The following MEF2C variants were observed in gnomAD, a reference collection of about 807,000 sequenced individuals.
MEF2C encodes the protein myocyte-specific enhancer factor 2C.
Under a neutral mutation model 50.5 loss-of-function variants are expected in MEF2C, and 6 were observed. That is an observed-to-expected ratio of 0.12 (90% CI 0.07 to 0.23). MEF2C has a LOEUF of 0.23. MEF2C is among the 10% of genes least tolerant of loss of function. The pLI, the probability that MEF2C is intolerant of heterozygous loss-of-function variation, is 1.00. For synonymous variants in MEF2C, 183 were observed against 228.0 expected (o/e 0.80, Z 1.78); for missense variants, 276 against 605.0 (o/e 0.46, Z 5.70).
intron 6 of MEF2C, chr5:88,736,967 TCAGCCCA>T: frequency 1.0e-6 from 1 of 984,946 alleles, no homozygotes; most frequent in Non-Finnish European, 1.2e-6. Flanking sequence ...TCAGACAACT[TCAGCCCA>T]CACTGAATTC....
At chr5:88,776,864 C>A (rs1785024089) in intron 3 of MEF2C, among the ~76,000 whole-genome samples, 1 of 152,296 alleles carries the variant, frequency 6.6e-6, no homozygotes, top group African/African-American at 2.4e-5. Context: ...CCACACCTGG[C>A]AGTGGCTCGG....
At position 88,778,204 on chromosome 5, in the gene MEF2C, G is replaced by A. The variant is rs759434620; in HGVS notation, c.259-16876C>T. Among the ~76,000 whole-genome samples the A allele has an allele frequency of 5.3e-5, 8 of 152,100 alleles. No homozygotes were observed. In the South Asian group the frequency reaches 6.2e-4, roughly 12 times the overall value. ...ATTACAAGCGTGAGCCACCACGCCC[G>A]GCTGCTAAATGTTTCAACTCCTAAC... On this transcript the variant is annotated intron_variant, in intron 3 of 10. Transcript: ENST00000504921.
rs1488564050 is a variant in MEF2C at position 88,813,129 on chromosome 5, C to A, written c.55-8328G>T. Among the ~76,000 whole-genome samples the A allele has an allele frequency of 2.0e-5, 3 of 152,206 alleles. No homozygotes were observed. The East Asian group carries it at 5.8e-4, about 29-fold the overall frequency. ...TGTATAGACTCTGCAGCCAACTCTG[C>A]CCTCAGACGCTCCGGCCATTCCCAC... On this transcript the variant is annotated intron_variant, in intron 2 of 10. Coordinates refer to ENST00000504921, the MANE Select transcript of MEF2C (RefSeq NM_002397.5).
intron 3 of MEF2C, among the ~76,000 whole-genome samples, chr5:88,776,625 T>C (rs537333647): frequency 1.3e-5 from 2 of 151,386 alleles, no homozygotes; most frequent in African/African-American, 4.9e-5. Context: ...AGAAAAATAC[T>C]GGAAGGGGGA....
chr5:88,751,368 A>G (rs757473215), intron 5 of MEF2C: 51 of 985,322 alleles, frequency 5.2e-5, no homozygotes, highest in Non-Finnish European at 5.8e-5. Context: ...CTATCTTATC[A>G]TATTTCCTTT....
At chr5:88,797,705 T>C (rs1272241238) in intron 3 of MEF2C, among the ~76,000 whole-genome samples, 1 of 152,130 alleles carries the variant, frequency 6.6e-6, no homozygotes, top group Admixed American at 6.5e-5. Flanking sequence ...AGCTGGTTAT[T>C]TTGCCCGTTA....
At chr5:88,784,502 GT>G (rs1450747175) in intron 3 of MEF2C, among the ~76,000 whole-genome samples, 1 of 152,118 alleles carries the variant, frequency 6.6e-6, no homozygotes, top group Non-Finnish European at 1.5e-5. Flanking sequence ...TCTATTATAT[GT>G]AGTAATTCAC....
intron 6 of MEF2C, chr5:88,743,628 G>A (rs1272124636): frequency 1.0e-6 from 1 of 984,190 alleles, no homozygotes; most frequent in African/African-American, 1.7e-5. Flanking sequence ...ATCTGAGTAA[G>A]TACTAAGTTC....
Position 88,717,795 on chromosome 5 carries a change from T to C in MEF2C, c.*4809A>G, listed in dbSNP as rs1034256213. The C allele has an allele frequency of 2.0e-5, 3 of 152,224 alleles. No individual in the cohort carries two copies. Among genetic ancestry groups the C allele is most frequent in the African/African-American group, 7.2e-5 (3 of 41,454 alleles). The allele number at this position is 152,224 out of a possible 1,614,324, so 9.4% of individuals were successfully genotyped here. ...TAAAATGTATGAATTCACTAATTTA[T>C]TCAGATTTATAAGCCTATGTTTTCA... On this transcript the variant is annotated 3_prime_UTR_variant, in exon 11 of 11. Coordinates refer to ENST00000504921, the MANE Select transcript of MEF2C (RefSeq NM_002397.5).
In MEF2C at chr5:88,720,144, G is replaced by A. The variant is rs1755802349; in HGVS notation, c.*2460C>T. 6.6e-6 allele frequency: 1 copy of A among 152,080 alleles called. No individual in the cohort carries two copies. Among genetic ancestry groups the A allele is most frequent in the Non-Finnish European group, 1.5e-5 (1 of 67,984 alleles). 9.4% of individuals were successfully genotyped at this position (152,080 alleles called of 1,614,324 possible). A position where few individuals can be genotyped will look rare whatever the true frequency, so the allele number is the denominator to read the frequency against. ...TGCATATTTTATACACATCAAGTTA[G>A]AAGGATGGGTTGTAAGGATGGGATC... On this transcript the variant is annotated 3_prime_UTR_variant, in exon 11 of 11. Coordinates refer to ENST00000504921, the MANE Select transcript of MEF2C (RefSeq NM_002397.5).
chr5:88,729,908 AT>A (rs1323923078), intron 8 of MEF2C, among the ~76,000 whole-genome samples: 1 of 152,148 alleles, frequency 6.6e-6, no homozygotes, highest in Non-Finnish European at 1.5e-5. Context: ...TAAACTTAAA[AT>A]CATGAGACTT....
At chr5:88,844,601 T>G in intron 1 of MEF2C, 1 of 802,434 alleles carries the variant, frequency 1.2e-6, no homozygotes, top group Non-Finnish European at 1.5e-6. Flanking sequence ...CTATTTGTAG[T>G]TTTAACACAG....
intron 1 of MEF2C, among the ~76,000 whole-genome samples, chr5:88,866,090 G>T (rs1827277558): frequency 6.6e-6 from 1 of 152,032 alleles, no homozygotes; most frequent in Admixed American, 6.6e-5. Context: ...TAGAGACGGG[G>T]TTTCACCGTG....
At chr5:88,759,895 G>C (rs1014859690) in intron 4 of MEF2C, among the ~76,000 whole-genome samples, 1 of 152,220 alleles carries the variant, frequency 6.6e-6, no homozygotes, top group Non-Finnish European at 1.5e-5. Flanking sequence ...CAGCTACTAT[G>C]GTAAAGTATT....
chr5:88,823,954 T>C, intron 1 of MEF2C, 24 bp from the exon 2 acceptor site: 2 of 1,436,642 alleles, frequency 1.4e-6, no homozygotes, highest in Non-Finnish European at 1.8e-6. Context: ...AAAAATTAAA[T>C]ACCACTCTAA....
chr5:88,734,847 T>C (rs1174808693), intron 6 of MEF2C: 2 of 974,476 alleles, frequency 2.1e-6, no homozygotes, highest in Non-Finnish European at 2.4e-6. Context: ...TTAAGGTGTT[T>C]ACATACTGAA....
intron 5 of MEF2C, chr5:88,751,611 T>C: frequency 8.0e-6 from 7 of 873,930 alleles, no homozygotes; most frequent in Non-Finnish European, 9.6e-6. Context: ...GTGGTTAAAA[T>C]ATAGCCACAG....
chr5:88,824,011 G>A, intron 1 of MEF2C, 81 bp from the exon 2 acceptor site: 2 of 1,221,638 alleles, frequency 1.6e-6, no homozygotes, highest in Non-Finnish European at 2.1e-6. Flanking sequence ...TTTTATCAAG[G>A]AAATAAACTA....
chr5:88,775,642 A>C (rs1334240335), intron 3 of MEF2C: 1 of 171,194 alleles, frequency 5.8e-6, no homozygotes, highest in African/African-American at 2.4e-5. Context: ...TTATTCTCTG[A>C]ATGCTATCCA....
Sources: allele counts gnomAD v4.1 joint callset (sites outside exome capture counted in the v4.1 genomes callset), GRCh38; gene constraint gnomAD v4.1.1; transcripts MANE v1.5; gene names NCBI Gene and HGNC (gene_info 2026-07-23, HGNC 2026-07-21).